Variants in ADGRL2 observed in about 807,000 individuals in gnomAD.
ADGRL2 encodes calcium-independent alpha-latrotoxin receptor 2.
In ADGRL2, 44 loss-of-function variants were observed where a neutral mutation model predicts 157.4. The ratio of observed to expected loss-of-function variants is 0.28; its 90% CI spans 0.22 to 0.36. The LOEUF (loss-of-function observed/expected upper bound fraction) is 0.36. Among genes scored for constraint, ADGRL2 ranks in the 10% least tolerant of loss-of-function variants. The pLI is 1.00. For missense variants in ADGRL2, 1,510 were observed against 1,768.9 expected (o/e 0.85, Z 2.63); for synonymous variants, 585 against 624.7 (o/e 0.94, Z 0.95).
intron 3 of ADGRL2, among the ~76,000 whole-genome samples, chr1:81,603,529 G>T (rs1030088882): frequency 1.3e-5 from 2 of 152,174 alleles, no homozygotes; most frequent in Non-Finnish European, 2.9e-5. Context: ...ATGCCAGAAG[G>T]TTCTGACATA....
intron 2 of ADGRL2, among the ~76,000 whole-genome samples, chr1:81,536,312 G>A (rs2079735909): frequency 6.6e-6 from 1 of 151,670 alleles, no homozygotes; most frequent in Middle Eastern, 3.4e-3. Context: ...TTTTTTTTAA[G>A]TTGACAAAAT....
intron 3 of ADGRL2, among the ~76,000 whole-genome samples, chr1:81,911,121 C>G (rs748721369): frequency 6.6e-5 from 10 of 152,082 alleles, no homozygotes; most frequent in Non-Finnish European, 1.3e-4. Context: ...ATTGTATTCA[C>G]TCTCCATTTT....
chr1:81,618,569 C>T (rs1042185202), intron 3 of ADGRL2, among the ~76,000 whole-genome samples: 3 of 152,074 alleles, frequency 2.0e-5, no homozygotes, highest in African/African-American at 7.2e-5. Context: ...GTTCATTGTA[C>T]CAAGAAATTC....
intron 3 of ADGRL2, among the ~76,000 whole-genome samples, chr1:81,582,878 T>G (rs747312581): frequency 6.6e-6 from 1 of 151,912 alleles, no homozygotes; most frequent in African/African-American, 2.4e-5. Context: ...AACAGTGGAG[T>G]GTTAGATGGG....
At chr1:81,619,321 C>T (rs2081737900) in intron 3 of ADGRL2, among the ~76,000 whole-genome samples, 1 of 151,512 alleles carries the variant, frequency 6.6e-6, no homozygotes, top group African/African-American at 2.4e-5. Flanking sequence ...CCTGCCGTGC[C>T]TTTAGTACCT....
chr1:81,550,818 T>C (rs1398185664), intron 2 of ADGRL2, among the ~76,000 whole-genome samples: 3 of 149,384 alleles, frequency 2.0e-5, no homozygotes, highest in African/African-American at 7.4e-5. Context: ...CGTTCTACCC[T>C]CTTTACAGAA....
chr1:81,792,127 G>A (rs2087379620), intron 2 of ADGRL2, among the ~76,000 whole-genome samples: 1 of 152,132 alleles, frequency 6.6e-6, no homozygotes, highest in East Asian at 1.9e-4. Context: ...GAGGAAAGCA[G>A]GTTCCTATGA....
At chr1:81,910,191 A>G (rs1347952679) in intron 3 of ADGRL2, among the ~76,000 whole-genome samples, 1 of 151,580 alleles carries the variant, frequency 6.6e-6, no homozygotes, top group South Asian at 2.1e-4. Context: ...AGTGGCCAAG[A>G]TCACGCCACT....
In ADGRL2 at chr1:81,569,215, A is replaced by G. The variant is rs529027246; in HGVS notation, c.-247-11661A>G. On this transcript the variant is annotated intron_variant, in intron 2 of 24. Transcript: ENST00000370721. ...AGAAAGTCTCTTCATCCATTATCTC[A>G]TTGAATTCCTCACAAAAACACTGTG... 2.0e-4 allele frequency among the ~76,000 whole-genome samples: 31 copies of G among 152,132 alleles called. 1 individual carries two copies. In the South Asian group the frequency reaches 6.4e-3, roughly 32 times the overall value.
intron 1 of ADGRL2, among the ~76,000 whole-genome samples, chr1:81,704,448 T>C (rs935870811): frequency 2.6e-5 from 4 of 152,078 alleles, no homozygotes; most frequent in Non-Finnish European, 4.4e-5. Flanking sequence ...CGCTGAGCAT[T>C]GAGATTCCTG....
chr1:81,953,782 T>C (rs995915542), intron 10 of ADGRL2, among the ~76,000 whole-genome samples: 3 of 152,176 alleles, frequency 2.0e-5, no homozygotes, highest in Non-Finnish European at 2.9e-5. Context: ...TGGGGAGATA[T>C]TACTTTCTAA....
chr1:81,537,107 T>C (rs952247679), intron 2 of ADGRL2, among the ~76,000 whole-genome samples: 4 of 152,230 alleles, frequency 2.6e-5, no homozygotes, highest in African/African-American at 9.6e-5. Context: ...TTTATTGTTT[T>C]TGAATTACAT....
intron 6 of ADGRL2, among the ~76,000 whole-genome samples, chr1:81,944,337 C>T (rs1649068899): frequency 6.6e-6 from 1 of 151,970 alleles, no homozygotes; most frequent in Non-Finnish European, 1.5e-5. Flanking sequence ...GTGACTTTAA[C>T]GATCACATGA....
rs150055769 is a variant in ADGRL2, at chr1:81,688,124, G to A, written c.-142-73687G>A. Among the ~76,000 whole-genome samples the A allele has an allele frequency of 1.8e-3, 274 of 152,104 alleles. 1 individual carries two copies. Among genetic ancestry groups the A allele is most frequent in the African/African-American group, 6.3e-3 (263 of 41,510 alleles). On this transcript the variant is annotated intron_variant, in intron 3 of 24. Coordinates refer to the ADGRL2 transcript ENST00000370721. The stretch of plus-strand genomic sequence containing the variant: ...AGATTCTTTCCTTTGTCTTAACTTT[G>A]GATAACCTGATGACAATGTGCCTAG...
chr1:81,474,713 G>T (rs928637555), intron 2 of ADGRL2, among the ~76,000 whole-genome samples: 1 of 152,176 alleles, frequency 6.6e-6, no homozygotes, highest in Admixed American at 6.5e-5. Context: ...ATTAAGGCTT[G>T]TGATGCTTAA....
At position 81,661,995 on chromosome 1, in the gene ADGRL2, G is replaced by GT. The variant is rs539382777; in HGVS notation, c.-143+81025dup. 5.2e-4 allele frequency among the ~76,000 whole-genome samples: 78 copies of GT among 148,922 alleles called. No homozygotes were observed. The South Asian group carries it at 9.2e-3, about 18-fold the overall frequency. On this transcript the variant is annotated intron_variant, in intron 3 of 24. Coordinates refer to the ADGRL2 transcript ENST00000370721. ...GCCCAAGAATAAAGTCAACTTAAGA[G>GT]TTTTTTTTTTAATTTATAATTTTTG...
intron 1 of ADGRL2, among the ~76,000 whole-genome samples, chr1:81,391,199 G>C (rs1367945506): frequency 5.2e-5 from 8 of 152,422 alleles, no homozygotes; most frequent in Non-Finnish European, 1.0e-4. Flanking sequence ...CTCATTTTTT[G>C]AGCACTTATC....
At chr1:81,821,140 CTAGT>C (rs2090951921) in intron 1 of ADGRL2, among the ~76,000 whole-genome samples, 1 of 152,052 alleles carries the variant, frequency 6.6e-6, no homozygotes, top group African/African-American at 2.4e-5. Flanking sequence ...TTTTATTTAA[CTAGT>C]TAAGGAAACT....
chr1:81,646,686 T>A (rs2082321674), intron 3 of ADGRL2, among the ~76,000 whole-genome samples: 1 of 152,182 alleles, frequency 6.6e-6, no homozygotes, highest in Non-Finnish European at 1.5e-5. Context: ...TCTCAACCAG[T>A]CAGTAGGTCC....
Sources: allele counts gnomAD v4.1 joint callset (sites outside exome capture counted in the v4.1 genomes callset), GRCh38; gene constraint gnomAD v4.1.1; transcripts MANE v1.5; gene names NCBI Gene and HGNC (gene_info 2026-07-23, HGNC 2026-07-21).